The following ABTB2 variants were observed in gnomAD, a reference collection of about 807,000 sequenced individuals.
ABTB2 encodes ankyrin repeat and BTB/POZ domain-containing protein 2.
ABTB2 carries 56 observed loss-of-function variants against 104.1 expected under a neutral mutation model. The ratio of observed to expected loss-of-function variants is 0.54; its 90% CI spans 0.43 to 0.67. ABTB2 has a LOEUF of 0.67. Among genes scored for constraint, ABTB2 ranks in the 30% least tolerant of loss-of-function variants. The probability of loss-of-function intolerance (pLI) is 0.00; values close to 1 mark genes in which losing one functional copy is unlikely to be tolerated. For synonymous variants in ABTB2, 606 were observed against 608.2 expected (o/e 1.00, Z 0.05); for missense variants, 1,279 against 1,407.7 (o/e 0.91, Z 1.46).
chr11:34,224,722 A>G (rs950734806), intron 1 of ABTB2, among the ~76,000 whole-genome samples: 1 of 152,224 alleles, frequency 6.6e-6, no homozygotes, highest in Non-Finnish European at 1.5e-5. Context: ...GAGATGATGC[A>G]TATATGTACT....
chr11:34,168,489 C>T (rs927145473), intron 5 of ABTB2, among the ~76,000 whole-genome samples: 7 of 152,190 alleles, frequency 4.6e-5, no homozygotes, highest in South Asian at 4.1e-4. Flanking sequence ...GCCTCATAGC[C>T]GCCATCCCAG....
At chr11:34,160,851 G>C in intron 11 of ABTB2, 52 bp downstream of exon 11, 1 of 1,542,516 alleles carries the variant, frequency 6.5e-7, no homozygotes, top group Admixed American at 1.9e-5. Flanking sequence ...TGTGTGTCCC[G>C]TGGTCTGAGT....
At chr11:34,225,386 C>T (rs1853672870) in intron 1 of ABTB2, among the ~76,000 whole-genome samples, 1 of 152,218 alleles carries the variant, frequency 6.6e-6, no homozygotes, top group Non-Finnish European at 1.5e-5. Context: ...TAAACAATAG[C>T]TCAGACTCCA....
intron 5 of ABTB2, among the ~76,000 whole-genome samples, chr11:34,169,353 A>C (rs568933679): frequency 2.0e-5 from 3 of 152,258 alleles, no homozygotes; most frequent in South Asian, 2.1e-4. Flanking sequence ...CGACTACAAT[A>C]ATCATCATAT....
Position 34,165,288 on chromosome 11 carries a change from C to A in ABTB2, c.1824G>T (p.Glu608Asp). ...AVNGGEDSYA[E>D]TPLQLASAAG... ...CCGCAGAGGCCAGCTGCAGGGGCGT[C>A]TCCGCATAGCTGTCCTCGCCGCCGT... The change falls in exon 8 of 17, where the codon GAG becomes GAT. Residue 608 changes from glutamate to aspartate, a missense_variant. Transcript: ENST00000435224. The A allele has an allele frequency of 6.4e-7, 1 of 1,564,876 alleles. No individual in the cohort carries two copies. The highest frequency in any genetic ancestry group is 8.7e-7 in the Non-Finnish European group (1 of 1,155,478).
At chr11:34,303,091 A>G (rs1854727507) in intron 1 of ABTB2, among the ~76,000 whole-genome samples, 1 of 152,188 alleles carries the variant, frequency 6.6e-6, no homozygotes, top group Admixed American at 6.5e-5. Context: ...TAGGAACCAA[A>G]TAGACCACAC....
chr11:34,162,005 C>T (rs1448376884), intron 10 of ABTB2, among the ~76,000 whole-genome samples: 1 of 152,168 alleles, frequency 6.6e-6, no homozygotes, highest in Non-Finnish European at 1.5e-5. Context: ...GCCACTACGC[C>T]TTGTACTTCA....
At chr11:34,266,660 C>T (rs1248657610) in intron 1 of ABTB2, among the ~76,000 whole-genome samples, 1 of 152,180 alleles carries the variant, frequency 6.6e-6, no homozygotes, top group East Asian at 1.9e-4. Flanking sequence ...TGTTACAGAA[C>T]ATTCATTTAT....
rs142135433 is a variant in ABTB2 at position 34,268,521 on chromosome 11, G to A, written c.884-63831C>T. 1.4e-3 allele frequency among the ~76,000 whole-genome samples: 215 copies of A among 152,294 alleles called. 1 individual carries two copies. The highest frequency in any genetic ancestry group is 4.7e-3 in the African/African-American group (195 of 41,570). ...CCTCAGGCAGTCATTGGAACTTGCC[G>A]TGCCTTTACTGCCTTATTTGTAGAA... On this transcript the variant is annotated intron_variant, in intron 1 of 16. Transcript: ENST00000435224.
chr11:34,357,623 C>A lies in ABTB2; in HGVS notation c.-40G>T. The A allele has an allele frequency of 6.8e-7, 1 of 1,476,194 alleles. No individual in the cohort carries two copies. Among genetic ancestry groups the A allele is most frequent in the Non-Finnish European group, 9.0e-7 (1 of 1,112,048 alleles). 91.4% of individuals were successfully genotyped at this position (1,476,194 alleles called of 1,614,324 possible). ...GGGCGGCGTCGCCGAGCGAGGGGCACTCACAACTCCATGCCCTCTTTCCCA... is the reference window on the plus strand; with the variant it reads ...GGGCGGCGTCGCCGAGCGAGGGGCAATCACAACTCCATGCCCTCTTTCCCA... On this transcript the variant is annotated 5_prime_UTR_variant, in exon 1 of 17. Coordinates refer to ENST00000435224, the MANE Select transcript of ABTB2 (RefSeq NM_145804.3).
At chr11:34,324,656 A>C (rs1294342615) in intron 1 of ABTB2, among the ~76,000 whole-genome samples, 1 of 152,232 alleles carries the variant, frequency 6.6e-6, no homozygotes, top group Non-Finnish European at 1.5e-5. Flanking sequence ...GGAGGTTATT[A>C]AATAGCACAG....
chr11:34,334,102 A>G (rs1417229752), intron 1 of ABTB2, among the ~76,000 whole-genome samples: 1 of 152,094 alleles, frequency 6.6e-6, no homozygotes, highest in Non-Finnish European at 1.5e-5. Context: ...ACACCAAGGC[A>G]AACACTATCA....
intron 1 of ABTB2, among the ~76,000 whole-genome samples, chr11:34,212,112 A>G (rs1219277967): frequency 6.6e-6 from 1 of 151,688 alleles, no homozygotes; most frequent in Non-Finnish European, 1.5e-5. Flanking sequence ...GCTGGAGTGC[A>G]GTGGCGCAAT....
chr11:34,289,001 A>C (rs944278926), intron 1 of ABTB2, among the ~76,000 whole-genome samples: 16 of 152,162 alleles, frequency 1.1e-4, no homozygotes, highest in Non-Finnish European at 2.1e-4. Context: ...TTAAATGAGA[A>C]TCTGCTTTTC....
chr11:34,265,900 C>G (rs1854242993), intron 1 of ABTB2, among the ~76,000 whole-genome samples: 1 of 151,458 alleles, frequency 6.6e-6, no homozygotes, highest in African/African-American at 2.4e-5. Context: ...ACCCTGGAGG[C>G]AGAGGTTGCA....
intron 1 of ABTB2, among the ~76,000 whole-genome samples, chr11:34,286,122 C>A (rs1160873318): frequency 1.3e-5 from 2 of 149,826 alleles, no homozygotes; most frequent in South Asian, 4.2e-4. Context: ...CCAGCCTGGG[C>A]AACATAGAAA....
intron 1 of ABTB2, among the ~76,000 whole-genome samples, chr11:34,226,160 C>A (rs942195779): frequency 1.3e-5 from 2 of 148,170 alleles, no homozygotes; most frequent in African/African-American, 5.0e-5. Flanking sequence ...TGAGATTGCA[C>A]CACTACTCTC....
At chr11:34,200,131 G>A (rs370704220) in intron 2 of ABTB2, among the ~76,000 whole-genome samples, 13 of 152,140 alleles carry the variant, frequency 8.5e-5, no homozygotes, top group East Asian at 7.7e-4. Flanking sequence ...CCTGGCTCCC[G>A]TTTCTCCAGG....
At chr11:34,193,634 G>T (rs1157342042) in intron 3 of ABTB2, among the ~76,000 whole-genome samples, 1 of 152,248 alleles carries the variant, frequency 6.6e-6, no homozygotes, top group Non-Finnish European at 1.5e-5. Context: ...AGTTCTTTGG[G>T]CCTAGAAGTA....
Sources: gnomAD v4.1 joint callset for allele counts (sites outside exome capture counted in the v4.1 genomes callset) on GRCh38, gnomAD v4.1.1 for gene constraint, MANE v1.5 for transcripts, NCBI Gene and HGNC (gene_info 2026-07-23, HGNC 2026-07-21) for gene names.